Variants in SLC6A5 observed in about 807,000 individuals in gnomAD.
The protein encoded by SLC6A5 is solute carrier family 6 member 5, also known as sodium- and chloride-dependent glycine transporter 2.
In SLC6A5, 58 loss-of-function variants were observed where a neutral mutation model predicts 90.5. That is an observed-to-expected ratio of 0.64 (90% confidence interval 0.52 to 0.80). The LOEUF (loss-of-function observed/expected upper bound fraction) is 0.80, where lower values mean the gene tolerates loss of function less well. Among genes scored for constraint, SLC6A5 ranks in the 30% least tolerant of loss-of-function variants. The pLI is 0.00. For missense variants in SLC6A5, 1,015 were observed against 1,017.6 expected, an observed-to-expected ratio of 1.00 and a Z score of 0.03; for synonymous variants, 427 against 401.4, an observed-to-expected ratio of 1.06 and a Z score of -0.76.
intron 13 of SLC6A5, among the ~76,000 whole-genome samples, chr11:20,646,375 G>A (rs1225839262): frequency 6.6e-6 from 1 of 152,164 alleles, no homozygotes; most frequent in Non-Finnish European, 1.5e-5. Context: ...GTGGCTTTGG[G>A]AGGGTGGGGG....
chr11:20,605,893 T>C (rs773468678), intron 3 of SLC6A5, among the ~76,000 whole-genome samples: 2 of 152,242 alleles, frequency 1.3e-5, no homozygotes, highest in African/African-American at 4.8e-5. Context: ...CCGGTTTTAC[T>C]GCCCAGCAGC....
chr11:20,605,082 G>T (rs1852552539), intron 3 of SLC6A5, among the ~76,000 whole-genome samples: 1 of 152,114 alleles, frequency 6.6e-6, no homozygotes, highest in African/African-American at 2.4e-5. Context: ...ATCGGCTGCT[G>T]GGCCACTATG....
chr11:20,624,965 T>G (rs900398295), intron 7 of SLC6A5, among the ~76,000 whole-genome samples: 2 of 152,156 alleles, frequency 1.3e-5, no homozygotes, highest in African/African-American at 4.8e-5. Context: ...TTGTTGCCAC[T>G]TTGCAGGTGT....
chr11:20,635,901 A>C (rs78518142), intron 10 of SLC6A5, among the ~76,000 whole-genome samples: 5,240 of 152,288 alleles, frequency 0.034, 296 homozygotes, highest in African/African-American at 0.12. Flanking sequence ...AGACATTGCC[A>C]AATATCCCAA....
intron 5 of SLC6A5, among the ~76,000 whole-genome samples, chr11:20,608,147 A>G (rs560388455): frequency 6.6e-6 from 1 of 152,212 alleles, no homozygotes; most frequent in African/African-American, 2.4e-5. Context: ...CAGGAGAGCG[A>G]TCCTGGGGCC....
intron 13 of SLC6A5, among the ~76,000 whole-genome samples, chr11:20,640,894 A>G (rs574619127): frequency 3.3e-5 from 5 of 152,332 alleles, no homozygotes; most frequent in African/African-American, 1.2e-4. Flanking sequence ...TTAAAAAAAT[A>G]AGCCAGTGAA....
chr11:20,602,767 G>A (rs1852504380), intron 2 of SLC6A5, among the ~76,000 whole-genome samples: 1 of 152,300 alleles, frequency 6.6e-6, no homozygotes, highest in South Asian at 2.1e-4. Flanking sequence ...GTCAGAACTA[G>A]AAATAAACAT....
rs190128132 is a variant in SLC6A5 at position 20,649,495 on chromosome 11, G to A, written c.2070+2561G>A. On this transcript the variant is annotated intron_variant, in intron 14 of 15. Coordinates refer to ENST00000525748, the MANE Select transcript of SLC6A5 (RefSeq NM_004211.5). The stretch of plus-strand genomic sequence containing the variant: ...TTTATGGCAAAGGACAAATTTGCCC[G>A]GGTAAGTTTGATATGATATTTGTGC... Among the ~76,000 whole-genome samples, 16 of 152,258 alleles carry A rather than the reference G, an allele frequency of 1.1e-4. No individual in the cohort carries two copies. In the East Asian group the frequency reaches 2.1e-3, roughly 20 times the overall value.
chr11:20,602,926 C>T (rs1021491532), intron 2 of SLC6A5, among the ~76,000 whole-genome samples: 11 of 152,178 alleles, frequency 7.2e-5, no homozygotes, highest in East Asian at 3.9e-4. Flanking sequence ...CTCCGCACTG[C>T]GGCAGAAGGA....
chr11:20,604,001 T>C lies in SLC6A5; in HGVS notation c.541-285T>C, dbSNP rs11601505. Among the ~76,000 whole-genome samples the C allele has an allele frequency of 0.34, 52,038 of 151,908 alleles. 9,413 individuals carry two copies. The highest frequency in any genetic ancestry group is 0.38 in the Non-Finnish European group (25,898 of 67,934). On this transcript the variant is annotated intron_variant, in intron 2 of 15. Transcript: ENST00000525748. ...GAGCTGCTTGCTGGTGCGCCCTGAC[T>C]GTATGATCTGGGAAAGAGGGGTTTT...
intron 13 of SLC6A5, among the ~76,000 whole-genome samples, chr11:20,645,020 C>T (rs540637279): frequency 1.2e-4 from 18 of 151,928 alleles, no homozygotes; most frequent in African/African-American, 4.3e-4. Flanking sequence ...ACTAAGTTGG[C>T]CAGGCTGATC....
intron 15 of SLC6A5, 50 bp from the exon 16 acceptor site, chr11:20,654,663 A>G: frequency 1.2e-6 from 2 of 1,601,864 alleles, no homozygotes; most frequent in Non-Finnish European, 1.7e-6. Context: ...TCCCCAGGTG[A>G]GGAAGGTGCA....
intron 13 of SLC6A5, among the ~76,000 whole-genome samples, chr11:20,645,445 G>A (rs1269698460): frequency 6.6e-6 from 1 of 152,006 alleles, no homozygotes; most frequent in Non-Finnish European, 1.5e-5. Flanking sequence ...GGAGCTCAGG[G>A]CAAAAGACCC....
At chr11:20,652,854 C>A (rs1284450805) in intron 15 of SLC6A5, among the ~76,000 whole-genome samples, 1 of 152,200 alleles carries the variant, frequency 6.6e-6, no homozygotes, top group Non-Finnish European at 1.5e-5. Context: ...TCTTCCCAAA[C>A]ATCTATTACC....
In SLC6A5 at chr11:20,607,668, C is replaced by T. The variant is rs141671283; in HGVS notation, c.985+16C>T. The T allele has an allele frequency of 1.2e-6, 2 of 1,601,974 alleles. No homozygotes were observed. The highest frequency in any genetic ancestry group is 1.7e-6 in the Non-Finnish European group (2 of 1,169,588). ...CTTTTATTAGGTAAGTTTGGAAATA[C>T]CTGCTTTAGGTGTGTGTATTCTAAA... is the stretch of plus-strand genomic sequence containing the variant. On this transcript the variant is annotated intron_variant, in intron 5 of 15. Coordinates refer to ENST00000525748, the MANE Select transcript of SLC6A5 (RefSeq NM_004211.5).
rs756304752 is a variant in SLC6A5 at position 20,636,346 on chromosome 11, C to A, written c.1664C>A (p.Thr555Asn). Residue 555 changes from threonine (T) to asparagine (N), a missense_variant, in exon 11 of 16, where the codon ACC becomes AAC. By Grantham distance (65) the Thr-to-Asn change is moderately conservative (BLOSUM62 0). Coordinates refer to ENST00000525748, the MANE Select transcript of SLC6A5 (RefSeq NM_004211.5). ...TTTGTGGTTTACCCGGAAGCCTTAA[C>A]CAGGCTGCCTCTCTCTCCGTTCTGG... ...IAFVVYPEAL[T>N]RLPLSPFWAI... 2.5e-6 allele frequency: 4 copies of A among 1,613,880 alleles called. No individual in the cohort carries two copies. The highest frequency in any genetic ancestry group is 3.4e-6 in the Non-Finnish European group (4 of 1,179,746).
chr11:20,604,020 G>A (rs573138520), intron 2 of SLC6A5, among the ~76,000 whole-genome samples: 76 of 152,194 alleles, frequency 5.0e-4, no homozygotes, highest in African/African-American at 1.8e-3. Context: ...TGGGAAAGAG[G>A]GGTTTTGGGT....
chr11:20,614,900 G>T, intron 6 of SLC6A5, 80 bp downstream of exon 6: 2 of 1,371,614 alleles, frequency 1.5e-6, no homozygotes, highest in Admixed American at 3.4e-5. Context: ...GCAGACCAGA[G>T]GTGTGGGTAG....
At chr11:20,636,091 C>T (rs2298824) in intron 10 of SLC6A5, among the ~76,000 whole-genome samples, 5 of 152,176 alleles carry the variant, frequency 3.3e-5, no homozygotes, top group Admixed American at 3.3e-4. Context: ...CCTGTGAGTT[C>T]TCCTAGCTGT....
Sources: allele counts gnomAD v4.1 joint callset (sites outside exome capture counted in the v4.1 genomes callset), GRCh38; gene constraint gnomAD v4.1.1; transcripts MANE v1.5; gene names NCBI Gene and HGNC (gene_info 2026-07-23, HGNC 2026-07-21).